PARD3B: variants seen among roughly 807,000 people sequenced by gnomAD.
PARD3B encodes the protein partitioning defective 3 homolog B.
Under a neutral mutation model 130.2 loss-of-function variants are expected in PARD3B, and 103 were observed. The ratio of observed to expected loss-of-function variants is 0.79; its 90% CI spans 0.67 to 0.93. PARD3B has a LOEUF of 0.93. Ranked by LOEUF, PARD3B falls within the 40% of genes least tolerant of loss-of-function variation. The probability of loss-of-function intolerance (pLI) is 0.00; values close to 1 mark genes in which losing one functional copy is unlikely to be tolerated. For missense variants in PARD3B, 1,609 were observed against 1,499.2 expected, an observed-to-expected ratio of 1.07 and a Z score of -1.21; for synonymous variants, 583 against 553.2, an observed-to-expected ratio of 1.05 and a Z score of -0.76.
rs2044628230 is a variant in PARD3B, at chr2:205,366,832, G to T, written c.2631-34181G>T. On this transcript the variant is annotated intron_variant, in intron 18 of 22. Transcript: ENST00000406610. The surrounding 1 kb of genome is among the most constrained non-coding windows in gnomAD (Gnocchi z 5.0). ...GCCATGTGCCTTCCCACTAATAACT[G>T]GTGATGCTGTACCGCCACAGGTGTC... 6.6e-6 allele frequency among the ~76,000 whole-genome samples: 1 copy of T among 152,158 alleles called. No individual in the cohort carries two copies. The highest frequency in any genetic ancestry group is 2.4e-5 in the African/African-American group (1 of 41,448).
At position 205,564,484 on chromosome 2, in the gene PARD3B, T is replaced by C. The variant is rs2053249240; in HGVS notation, c.3260+11081T>C. Among the ~76,000 whole-genome samples the C allele has an allele frequency of 2.0e-5, 3 of 152,260 alleles. No homozygotes were observed. Among genetic ancestry groups the C allele is most frequent in the East Asian group, 1.9e-4 (1 of 5,202 alleles). ...CTCTGTGTTATGCTAGTGAGTTAAA[T>C]ATATATACATATAAACCAGTTGGTT... is the stretch of plus-strand genomic sequence containing the variant. On this transcript the variant is annotated intron_variant, in intron 22 of 22. Coordinates refer to ENST00000406610, the MANE Select transcript of PARD3B (RefSeq NM_001302769.2). This position sits in a 1 kb window ranked among gnomAD's most constrained non-coding sequence, Gnocchi z 4.6.
At chr2:205,367,562 G>A (rs1443968251) in intron 18 of PARD3B, among the ~76,000 whole-genome samples, 1 of 152,136 alleles carries the variant, frequency 6.6e-6, no homozygotes, top group Non-Finnish European at 1.5e-5. Context: ...AGCCCTAAAA[G>A]GTTCTCAGAG....
At position 205,193,274 on chromosome 2, in the gene PARD3B, G is replaced by A. The variant is rs770472210; in HGVS notation, c.2094G>A (p.Arg698=). The change falls in exon 15 of 23, where the codon AGG becomes AGA. Residue 698 remains arginine, a synonymous_variant. Coordinates refer to ENST00000406610, the MANE Select transcript of PARD3B (RefSeq NM_001302769.2). ...HINFRSVTPA[R]QPESINLKAS... ...ACTTCAGATCTGTGACACCGGCCAG[G>A]CAGCCTGAATCAATTAATTTGAAAG... 2.5e-6 allele frequency: 4 copies of A among 1,613,678 alleles called. No individual in the cohort carries two copies. In the South Asian group the frequency reaches 4.4e-5, roughly 18 times the overall value.
intron 10 of PARD3B, among the ~76,000 whole-genome samples, chr2:205,126,265 T>C (rs1413811091): frequency 6.6e-6 from 1 of 152,134 alleles, no homozygotes; most frequent in Non-Finnish European, 1.5e-5. Flanking sequence ...TAAAAATGTA[T>C]ACCCTTAGAC....
chr2:205,106,912 G>A (rs4673314), intron 5 of PARD3B, among the ~76,000 whole-genome samples: 151,015 of 152,226 alleles, frequency 0.99, 74,923 homozygotes, highest in Middle Eastern at 1. Flanking sequence ...CTAAGACAGG[G>A]CATTGATTCT....
At chr2:205,439,584 C>A (rs1224038237) in intron 19 of PARD3B, among the ~76,000 whole-genome samples, 2 of 152,206 alleles carry the variant, frequency 1.3e-5, no homozygotes, top group Non-Finnish European at 2.9e-5. Context: ...GTATATTTTT[C>A]TGCTTCCATT....
At position 205,125,962 on chromosome 2, in the gene PARD3B, C is replaced by T. The variant is rs1479685991; in HGVS notation, c.1434+225C>T. Among the ~76,000 whole-genome samples, 1 of 152,156 alleles carries T rather than the reference C, an allele frequency of 6.6e-6. No homozygotes were observed. The highest frequency in any genetic ancestry group is 2.4e-5 in the African/African-American group (1 of 41,434). On this transcript the variant is annotated intron_variant, in intron 10 of 22. Transcript: ENST00000406610. This position sits in a 1 kb window ranked among gnomAD's most constrained non-coding sequence, Gnocchi z 4.0. ...GATTCCGGGGCACAGATTCAAACAC[C>T]TTTAGCAATAAGCAACTATTCAACA...
At chr2:205,378,852 A>C (rs926639898) in intron 18 of PARD3B, among the ~76,000 whole-genome samples, 1 of 151,780 alleles carries the variant, frequency 6.6e-6, no homozygotes, top group Admixed American at 6.6e-5. Context: ...GGATGGTCTC[A>C]ATCTCTTGAC....
intron 21 of PARD3B, among the ~76,000 whole-genome samples, chr2:205,512,620 A>G (rs2050628791): frequency 6.6e-6 from 1 of 152,208 alleles, no homozygotes; most frequent in South Asian, 2.1e-4. Flanking sequence ...ATGAATGCCT[A>G]GGAAAATGTA....
Position 205,160,816 on chromosome 2 carries a change from T to C in PARD3B, c.1620+1909T>C, listed in dbSNP as rs1302228437. Among the ~76,000 whole-genome samples, 1 of 152,216 alleles carries C rather than the reference T, an allele frequency of 6.6e-6. No homozygotes were observed. Among genetic ancestry groups the C allele is most frequent in the East Asian group, 1.9e-4 (1 of 5,182 alleles). ...AGTGGAAATTACAGATTAGACCCTT[T>C]AGTGCCTTTCCTGTGGTCAGATAGC... On this transcript the variant is annotated intron_variant, in intron 11 of 22. Coordinates refer to ENST00000406610, the MANE Select transcript of PARD3B (RefSeq NM_001302769.2). The surrounding 1 kb of genome is among the most constrained non-coding windows in gnomAD (Gnocchi z 4.0).
At chr2:205,106,481 ATGTG>A (rs202186761) in intron 5 of PARD3B, among the ~76,000 whole-genome samples, 19,223 of 146,804 alleles carry the variant, frequency 0.13, 1,270 homozygotes, top group Non-Finnish European at 0.15. Context: ...TAAGAAATGT[ATGTG>A]TGTGTGTGTG....
At chr2:205,481,603 T>G (rs538567488) in intron 20 of PARD3B, among the ~76,000 whole-genome samples, 42 of 152,286 alleles carry the variant, frequency 2.8e-4, no homozygotes, top group Admixed American at 5.2e-4. Flanking sequence ...TATCAAATAA[T>G]GTCATAGTAG....
intron 2 of PARD3B, among the ~76,000 whole-genome samples, chr2:204,727,231 A>G (rs2039276372): frequency 6.6e-6 from 1 of 152,166 alleles, no homozygotes; most frequent in Non-Finnish European, 1.5e-5. Context: ...TTCCTTGTAT[A>G]TTTGTGTACA....
intron 20 of PARD3B, among the ~76,000 whole-genome samples, chr2:205,444,613 G>C (rs1028426926): frequency 8.5e-5 from 13 of 152,188 alleles, no homozygotes; most frequent in African/African-American, 3.1e-4. Context: ...GGAATGAGCT[G>C]ATGGATTTGT....
rs145704798 is a variant in PARD3B at position 204,635,674 on chromosome 2, A to C, written c.121-50507A>C. Among the ~76,000 whole-genome samples, 196 of 152,276 alleles carry C rather than the reference A, an allele frequency of 1.3e-3. 5 individuals are homozygous for C. In the East Asian group the frequency reaches 0.035, roughly 27 times the overall value. On this transcript the variant is annotated intron_variant, in intron 1 of 22. Coordinates refer to ENST00000406610, the MANE Select transcript of PARD3B (RefSeq NM_001302769.2). Reference sequence around the variant, plus strand: ...ATCATATCACTGTATGGAGGTGTTAAAGACACATCCTGGGATATGTGGTTC... The same window carrying C: ...ATCATATCACTGTATGGAGGTGTTACAGACACATCCTGGGATATGTGGTTC...
At chr2:204,915,014 A>G (rs753037782) in intron 2 of PARD3B, among the ~76,000 whole-genome samples, 1 of 152,032 alleles carries the variant, frequency 6.6e-6, no homozygotes, top group Non-Finnish European at 1.5e-5. Context: ...CACTTTCCTC[A>G]CCTATTTAGG....
intron 1 of PARD3B, among the ~76,000 whole-genome samples, chr2:204,577,458 T>C (rs2032323092): frequency 1.3e-5 from 2 of 152,232 alleles, no homozygotes; most frequent in Admixed American, 1.3e-4. Context: ...CCTGTCTGGC[T>C]CATGTTGCAC....
intron 20 of PARD3B, among the ~76,000 whole-genome samples, chr2:205,486,684 A>G (rs1170221672): frequency 6.6e-6 from 1 of 152,058 alleles, no homozygotes; most frequent in Non-Finnish European, 1.5e-5. Context: ...GAAAGGCGCT[A>G]CACACTTAAA....
chr2:204,634,130 C>T (rs2034789199), intron 1 of PARD3B, among the ~76,000 whole-genome samples: 1 of 152,180 alleles, frequency 6.6e-6, no homozygotes, highest in African/African-American at 2.4e-5. Flanking sequence ...CTCCCTCCTG[C>T]CCTAGCTCCC....
Sources: allele counts gnomAD v4.1 joint callset (sites outside exome capture counted in the v4.1 genomes callset), GRCh38; gene constraint gnomAD v4.1.1; non-coding constraint Gnocchi (gnomAD v3.1); transcripts MANE v1.5; gene names NCBI Gene and HGNC (gene_info 2026-07-23, HGNC 2026-07-21).